The following ZNF114 variants were observed in gnomAD, a reference collection of about 807,000 sequenced individuals.
ZNF114 encodes zinc finger protein 114.
Under a neutral mutation model 6.8 loss-of-function variants are expected in ZNF114, and 8 were observed. That is an observed-to-expected ratio of 1.18 (90% CI 0.69 to 2.13). ZNF114 has a LOEUF of 2.13. Ranked by LOEUF, ZNF114 falls within the 30% of genes most tolerant of loss-of-function variation. ZNF114 has a pLI of 0.00. For synonymous variants in ZNF114, 169 were observed against 185.5 expected (o/e 0.91, Z 0.72); for missense variants, 472 against 519.5 (o/e 0.91, Z 0.89).
At chr19:48,271,210 G>A (rs1301907188) in intron 1 of ZNF114, 35 bp from the exon 2 acceptor site, 1 of 152,238 alleles carries the variant, frequency 6.6e-6, no homozygotes, top group Non-Finnish European at 1.5e-5. Flanking sequence ...AGAAACTGGA[G>A]ACTCCCCAAC....
chr19:48,274,978 C>T (rs1381947266), intron 3 of ZNF114, among the ~76,000 whole-genome samples: 1 of 151,430 alleles, frequency 6.6e-6, no homozygotes, highest in African/African-American at 2.4e-5. Flanking sequence ...TTCCTTGTGT[C>T]GTTGAAAGTT....
chr19:48,286,779 G>A lies in ZNF114; in HGVS notation c.1155G>A (p.Glu385=). Residue 385 remains glutamate, a synonymous_variant, in exon 6 of 6, where the codon GAG becomes GAA. Coordinates refer to ENST00000595607, the MANE Select transcript of ZNF114 (RefSeq NM_153608.4). ...KYTHIRSHTG[E]KPYKCKTCGK... ...CACATATAAGGAGCCACACTGGAGA[G>A]AAACCCTATAAATGTAAGACATGTG... 2 of 1,612,304 alleles carry A rather than the reference G, an allele frequency of 1.2e-6. No homozygotes were observed. The highest frequency in any genetic ancestry group is 1.7e-6 in the Non-Finnish European group (2 of 1,179,580).
At chr19:48,281,894 CTTT>C (rs869238604) in intron 4 of ZNF114, among the ~76,000 whole-genome samples, 8 of 90,514 alleles carry the variant, frequency 8.8e-5, no homozygotes, top group African/African-American at 2.6e-4. Flanking sequence ...ACAACCTCAT[CTTT>C]TTTTTTTTTT....
At chr19:48,284,580 G>A (rs749998768) in intron 5 of ZNF114, among the ~76,000 whole-genome samples, 51 of 152,118 alleles carry the variant, frequency 3.4e-4, no homozygotes, top group Non-Finnish European at 5.7e-4. Flanking sequence ...ACAGGCACAC[G>A]CCACCATGCC....
intron 5 of ZNF114, among the ~76,000 whole-genome samples, chr19:48,285,029 TG>T (rs902540278): frequency 5.3e-5 from 8 of 152,174 alleles, no homozygotes. Context: ...ATCGTTTCCT[TG>T]ATCTCTGCAG....
At chr19:48,275,723 G>A (rs1038083631) in intron 3 of ZNF114, among the ~76,000 whole-genome samples, 5 of 152,004 alleles carry the variant, frequency 3.3e-5, no homozygotes, top group Non-Finnish European at 4.4e-5. Context: ...TGCCGGGCGC[G>A]GTGGCTCACT....
chr19:48,278,983 T>G (rs1032828196), intron 3 of ZNF114, among the ~76,000 whole-genome samples: 1 of 151,424 alleles, frequency 6.6e-6, no homozygotes, highest in African/African-American at 2.4e-5. Flanking sequence ...TGCCAGCAGC[T>G]GGGTGAAGGG....
At position 48,279,401 on chromosome 19, in the gene ZNF114, AAAATT is replaced by A. The variant is rs1477609339; in HGVS notation, c.-69-321_-69-317del. The stretch of plus-strand genomic sequence containing the variant: ...CAACAGGACAAGTCTCTGTCTCTAA[AAAATT>A]AAATTAAAATATAGGTGTGTGTGTG... On this transcript the variant is annotated intron_variant, in intron 3 of 5. Transcript: ENST00000595607. Among the ~76,000 whole-genome samples the A allele has an allele frequency of 3.5e-5, 5 of 140,854 alleles. No individual in the cohort carries two copies. The South Asian group carries it at 9.8e-4, about 27-fold the overall frequency. 92.4% of individuals were successfully genotyped at this position (140,854 alleles called of 152,430 possible).
intron 3 of ZNF114, among the ~76,000 whole-genome samples, chr19:48,277,795 GTGT>G (rs1230670887): frequency 4.0e-3 from 99 of 24,698 alleles, no homozygotes; most frequent in African/African-American, 8.1e-3. Flanking sequence ...GAGGCATTGG[GTGT>G]GTGTGTGTGT....
chr19:48,279,798 A>G lies in ZNF114; in HGVS notation c.-2A>G, dbSNP rs910958334. On this transcript the variant is annotated 5_prime_UTR_variant, in exon 4 of 6. Coordinates refer to ENST00000595607, the MANE Select transcript of ZNF114 (RefSeq NM_153608.4). ...GGACTGGCCGTCACGTTGGTGACAA[A>G]TATGTCCCAGGTAAGTTGGCAGCTC... 41 of 1,613,816 alleles carry G rather than the reference A, an allele frequency of 2.5e-5. No homozygotes were observed. Among genetic ancestry groups the G allele is most frequent in the Non-Finnish European group, 3.3e-5 (39 of 1,179,914 alleles).
chr19:48,274,502 ATATATT>A (rs1406693164), intron 3 of ZNF114, among the ~76,000 whole-genome samples: 34 of 17,816 alleles, frequency 1.9e-3, no homozygotes, highest in African/African-American at 2.9e-3. Flanking sequence ...ATATATATAT[ATATATT>A]TTTTTTTTTT....
rs765814959 is a variant in ZNF114 at position 48,282,462 on chromosome 19, T to A, written c.101T>A (p.Val34Glu). The A allele has an allele frequency of 1.2e-6, 2 of 1,610,474 alleles. No homozygotes were observed. Among genetic ancestry groups the A allele is most frequent in the Admixed American group, 3.3e-5 (2 of 59,826 alleles). ...DPAQRNLYRD[V>E]MLENSRNLAF... The stretch of plus-strand genomic sequence containing the variant: ...GCTCAGAGGAATCTCTACAGAGACG[T>A]GATGCTGGAAAATTCTAGGAACTTG... The change falls in exon 5 of 6, where the codon GTG (valine) becomes GAG (glutamate). Residue 34 changes from valine (V) to glutamate (E), a missense_variant. Coordinates refer to ENST00000595607, the MANE Select transcript of ZNF114 (RefSeq NM_153608.4).
At chr19:48,273,478 T>G (rs1374195140) in intron 3 of ZNF114, among the ~76,000 whole-genome samples, 1 of 151,362 alleles carries the variant, frequency 6.6e-6, no homozygotes, top group Non-Finnish European at 1.5e-5. Context: ...CTGAGGTTAC[T>G]AGGGTCAGAA....
chr19:48,282,365 T>C lies in ZNF114; in HGVS notation c.10-6T>C. 1 of 1,611,962 alleles carries C rather than the reference T, an allele frequency of 6.2e-7. No individual in the cohort carries two copies. The highest frequency in any genetic ancestry group is 1.1e-5 in the South Asian group (1 of 90,724). ...CCTCCGAGCCAAACTGCATGTGTTA[T>C]TTTAGGACTCGGTGACCTTCGCAGA... On this transcript the variant is annotated splice_region_variant and splice_polypyrimidine_tract_variant and intron_variant, in intron 4 of 5. Transcript: ENST00000595607.
At chr19:48,282,805 C>A (rs1008995849) in intron 5 of ZNF114, among the ~76,000 whole-genome samples, 1 of 151,060 alleles carries the variant, frequency 6.6e-6, no homozygotes, top group Non-Finnish European at 1.5e-5. Flanking sequence ...TTCCACCCCC[C>A]AGGTTCATGC....
At chr19:48,280,635 C>T (rs960660191) in intron 4 of ZNF114, among the ~76,000 whole-genome samples, 2 of 151,272 alleles carry the variant, frequency 1.3e-5, no homozygotes, top group Non-Finnish European at 2.9e-5. Context: ...TCACTGCAAC[C>T]TCCGCCTTCC....
rs981009638 is a variant in ZNF114 at position 48,286,168 on chromosome 19, T to C, written c.544T>C (p.Trp182Arg). 1.2e-6 allele frequency: 2 copies of C among 1,614,158 alleles called. No homozygotes were observed. Among genetic ancestry groups the C allele is most frequent in the Non-Finnish European group, 1.7e-6 (2 of 1,180,036 alleles). Reference sequence around the variant, plus strand: ...CAACGAAGACGATGGAGTCTTGGGGTGGAACATTCAGTGGGTTCCGTGTGG... The same window carrying C: ...CAACGAAGACGATGGAGTCTTGGGGCGGAACATTCAGTGGGTTCCGTGTGG... ...ENNEDDGVLG[W>R]NIQWVPCGRK... Residue 182 changes from tryptophan (W) to arginine (R), a missense_variant, in exon 6 of 6, where the codon TGG becomes CGG. Transcript: ENST00000595607.
chr19:48,282,266 AC>A, intron 4 of ZNF114, 104 bp from the exon 5 acceptor site: 1 of 1,476,532 alleles, frequency 6.8e-7, no homozygotes, highest in Non-Finnish European at 9.2e-7. Context: ...CTTTGCAGGT[AC>A]CAAGGGTTAA....
intron 3 of ZNF114, among the ~76,000 whole-genome samples, chr19:48,278,461 CTG>C (rs1405154803): frequency 1.1e-4 from 17 of 152,176 alleles, no homozygotes; most frequent in Admixed American, 2.6e-4. Context: ...GGGTCATACA[CTG>C]TGGTCTTTTG....
Sources: allele counts gnomAD v4.1 joint callset (sites outside exome capture counted in the v4.1 genomes callset), GRCh38; gene constraint gnomAD v4.1.1; transcripts MANE v1.5; gene names NCBI Gene and HGNC (gene_info 2026-07-23, HGNC 2026-07-21).